Variants in CATSPERE observed in about 807,000 individuals in gnomAD.
CATSPERE encodes the protein catsper channel auxiliary subunit epsilon, also known as cation channel sperm-associated auxiliary subunit epsilon.
CATSPERE carries 93 observed loss-of-function variants against 114.1 expected under a neutral mutation model. The observed-to-expected ratio is 0.81, with a 90% CI of 0.69 to 0.97. The LOEUF (loss-of-function observed/expected upper bound fraction) is 0.97, where lower values mean the gene tolerates loss of function less well. Ranked by LOEUF, CATSPERE falls within the 50% of genes least tolerant of loss-of-function variation. The pLI is 0.00. For synonymous variants in CATSPERE, 341 were observed against 384.1 expected, an observed-to-expected ratio of 0.89 and a Z score of 1.31; for missense variants, 1,058 against 1,131.6, an observed-to-expected ratio of 0.93 and a Z score of 0.93.
intron 5 of CATSPERE, among the ~76,000 whole-genome samples, chr1:244,488,661 A>G (rs1160854419): frequency 6.6e-6 from 1 of 152,072 alleles, no homozygotes; most frequent in Non-Finnish European, 1.5e-5. Flanking sequence ...TTGCCTTCAA[A>G]TTTTCCTTCC....
intron 20 of CATSPERE, among the ~76,000 whole-genome samples, chr1:244,629,503 C>CTTT (rs369560104): frequency 1.5e-3 from 120 of 82,282 alleles, no homozygotes; most frequent in South Asian, 1.9e-3. Context: ...TCTCTCTTAC[C>CTTT]TTTTTTTTTT....
In CATSPERE at chr1:244,575,410, T is replaced by C. The variant is rs1665093748; in HGVS notation, c.1950+2638T>C. Among the ~76,000 whole-genome samples, 1 of 152,208 alleles carries C rather than the reference T, an allele frequency of 6.6e-6. No individual in the cohort carries two copies. Among genetic ancestry groups the C allele is most frequent in the Non-Finnish European group, 1.5e-5 (1 of 68,026 alleles). On this transcript the variant is annotated intron_variant, in intron 11 of 21. Coordinates refer to ENST00000366534, the MANE Select transcript of CATSPERE (RefSeq NM_001130957.2). The surrounding 1 kb of genome is among the most constrained non-coding windows in gnomAD (Gnocchi z 4.5). Reference sequence around the variant, plus strand: ...GGCTGCCGGGCTGCGCGGCATGGTATCCTGGCCCCGGCACACTCACACTTT... The same window carrying C: ...GGCTGCCGGGCTGCGCGGCATGGTACCCTGGCCCCGGCACACTCACACTTT...
At chr1:244,453,495 G>C (rs190843663), upstream of CATSPERE, among the ~76,000 whole-genome samples, 1 of 152,178 alleles carries the variant, frequency 6.6e-6, no homozygotes, top group African/African-American at 2.4e-5. Context: ...CCCCTTGGGC[G>C]GTTACAAATT....
upstream of CATSPERE, among the ~76,000 whole-genome samples, chr1:244,457,204 G>GAATCTGGGCCCCTGTGTCCAA (rs1028461567): frequency 6.6e-6 from 1 of 152,184 alleles, no homozygotes; most frequent in African/African-American, 2.4e-5. Context: ...TGTGGGGCCA[G>GAATCTGGGCCCCTGTGTCCAA]AATCTGGGCC....
At position 244,528,541 on chromosome 1, in the gene CATSPERE, T is replaced by G. The variant is rs3003259; in HGVS notation, c.536+9843T>G. Among the ~76,000 whole-genome samples, 714 of 152,234 alleles carry G rather than the reference T, an allele frequency of 4.7e-3. 9 individuals carry two copies. Among genetic ancestry groups the G allele is most frequent in the African/African-American group, 0.016 (677 of 41,524 alleles). ...GGGTACATAGTAGGTATATATATTT[T>G]GTGGGTTTATGAGATTATGATATAG... On this transcript the variant is annotated intron_variant, in intron 8 of 21. Transcript: ENST00000366534.
At chr1:244,621,948 C>A (rs1203511007) in intron 20 of CATSPERE, among the ~76,000 whole-genome samples, 1 of 152,304 alleles carries the variant, frequency 6.6e-6, no homozygotes, top group Non-Finnish European at 1.5e-5. Flanking sequence ...CTTCCAAATA[C>A]CTCCACCTAC....
chr1:244,600,514 T>C (rs546968726), intron 17 of CATSPERE, among the ~76,000 whole-genome samples: 1 of 152,308 alleles, frequency 6.6e-6, no homozygotes, highest in Admixed American at 6.5e-5. Context: ...AGGCCTCCTA[T>C]GGATCTGAAC....
At chr1:244,582,733 C>T (rs1461820169) in intron 12 of CATSPERE, among the ~76,000 whole-genome samples, 1 of 152,028 alleles carries the variant, frequency 6.6e-6, no homozygotes, top group African/African-American at 2.4e-5. Flanking sequence ...TCTGGTGCTA[C>T]TCCAAGTGAG....
chr1:244,509,972 T>C (rs996817524), intron 7 of CATSPERE, among the ~76,000 whole-genome samples: 1 of 152,192 alleles, frequency 6.6e-6, no homozygotes, highest in Non-Finnish European at 1.5e-5. Context: ...TCTCTTTTTT[T>C]CTTGGTCACT....
Position 244,572,314 on chromosome 1 carries a change from TTTCTC to T in CATSPERE, c.1508-13_1508-9del. The T allele has an allele frequency of 7.9e-7, 1 of 1,264,090 alleles. No individual in the cohort carries two copies. Among genetic ancestry groups the T allele is most frequent in the South Asian group, 1.4e-5 (1 of 70,614 alleles). The allele number at this position is 1,264,090 out of a possible 1,614,324, so 78.3% of individuals were successfully genotyped here. On this transcript the variant is annotated splice_polypyrimidine_tract_variant and intron_variant, in intron 10 of 21. Transcript: ENST00000366534. Reference sequence around the variant, plus strand: ...ATGGTTACTTAGACTAACACAAACTTTTCTCTTTTTTCCAGATTATTATGGAGATA... The same window carrying T: ...ATGGTTACTTAGACTAACACAAACTTTTTTTTCCAGATTATTATGGAGATA...
chr1:244,460,449 C>A (rs943566084), upstream of CATSPERE, among the ~76,000 whole-genome samples: 1 of 152,210 alleles, frequency 6.6e-6, no homozygotes, highest in African/African-American at 2.4e-5. Flanking sequence ...GCTTCTACTC[C>A]CTATGATTTC....
At chr1:244,452,004 G>T (rs575969038), upstream of CATSPERE, 1 of 557,510 alleles carries the variant, frequency 1.8e-6, no homozygotes, top group Non-Finnish European at 2.9e-6. Context: ...CCCGCTCAAG[G>T]GGGTACCATG....
At chr1:244,486,509 T>C (rs60841758) in intron 5 of CATSPERE, among the ~76,000 whole-genome samples, 3,451 of 112,070 alleles carry the variant, frequency 0.031, 2 homozygotes, top group East Asian at 0.067. Context: ...GGGCCAGGTG[T>C]AGACCCTCGT....
chr1:244,527,262 G>A (rs1363888141), intron 8 of CATSPERE, among the ~76,000 whole-genome samples: 1 of 152,194 alleles, frequency 6.6e-6, no homozygotes, highest in Non-Finnish European at 1.5e-5. Context: ...AACCGTAAAA[G>A]AGAGCCTCCC....
chr1:244,464,778 T>C (rs1332349805), intron 2 of CATSPERE, among the ~76,000 whole-genome samples: 1 of 152,222 alleles, frequency 6.6e-6, no homozygotes, highest in Non-Finnish European at 1.5e-5. Flanking sequence ...CTTCGCATAT[T>C]ATGTAGGCTT....
At chr1:244,587,998 C>A (rs1667230159) in intron 13 of CATSPERE, among the ~76,000 whole-genome samples, 2 of 151,944 alleles carry the variant, frequency 1.3e-5, no homozygotes. Context: ...AATTTGAGAC[C>A]AGCCTGACCA....
chr1:244,477,960 A>G lies in CATSPERE; in HGVS notation c.243A>G (p.Pro81=). 1.9e-6 allele frequency: 3 copies of G among 1,602,088 alleles called. No homozygotes were observed. Among genetic ancestry groups the G allele is most frequent in the South Asian group, 2.2e-5 (2 of 90,508 alleles). ...CACCTGGTGTTCACGCTATAAAACC[A>G]ATTGTTACTGGCCCAGTAAGTTGTT... ...CSSPGVHAIK[P]IVTGPDEEER... Residue 81 remains proline (P), a synonymous_variant, in exon 4 of 22, where the codon CCA becomes CCG. Transcript: ENST00000366534.
At chr1:244,538,145 A>G (rs1038594624) in intron 8 of CATSPERE, among the ~76,000 whole-genome samples, 7 of 152,218 alleles carry the variant, frequency 4.6e-5, no homozygotes, top group African/African-American at 1.7e-4. Context: ...CAACATAATG[A>G]GACCCCCATC....
chr1:244,502,440 C>T (rs1048920829), intron 7 of CATSPERE, among the ~76,000 whole-genome samples: 3 of 151,970 alleles, frequency 2.0e-5, no homozygotes, highest in African/African-American at 4.8e-5. Flanking sequence ...GCATTAAGTT[C>T]GTTTTCATCT....
Sources: allele counts gnomAD v4.1 joint callset (sites outside exome capture counted in the v4.1 genomes callset), GRCh38; gene constraint gnomAD v4.1.1; non-coding constraint Gnocchi (gnomAD v3.1); transcripts MANE v1.5; gene names NCBI Gene and HGNC (gene_info 2026-07-23, HGNC 2026-07-21).